The following ZNF8 variants were observed in gnomAD, a reference collection of about 807,000 sequenced individuals.
The protein encoded by ZNF8 is zinc finger protein 8.
In ZNF8, 9 loss-of-function variants were observed where a neutral mutation model predicts 12.2. The ratio of observed to expected loss-of-function variants is 0.73; its 90% CI spans 0.44 to 1.28. The LOEUF (loss-of-function observed/expected upper bound fraction) is 1.28, where lower values mean the gene tolerates loss of function less well. Among genes scored for constraint, ZNF8 ranks in the 50% most tolerant of loss-of-function variants. ZNF8 has a pLI of 0.00. For missense variants in ZNF8, 664 were observed against 729.1 expected (o/e 0.91, Z 1.03); for synonymous variants, 274 against 282.3 (o/e 0.97, Z 0.30).
At chr19:58,283,673 C>A (rs947440487) in intron 1 of ZNF8, among the ~76,000 whole-genome samples, 6 of 147,342 alleles carry the variant, frequency 4.1e-5, no homozygotes, top group Non-Finnish European at 7.4e-5. Flanking sequence ...AATCTTGACT[C>A]ACTGCAAGCT....
chr19:58,279,633 A>C, intron 1 of ZNF8: 1 of 1,534,302 alleles, frequency 6.5e-7, no homozygotes, highest in East Asian at 2.4e-5. Context: ...GCTTGGGCAC[A>C]ACCTCTTGGG....
Position 58,294,361 on chromosome 19 carries a change from A to C in ZNF8, c.553A>C (p.Ser185Arg), listed in dbSNP as rs1467836479. Residue 185 changes from serine (S) to arginine (R), a missense_variant, in exon 4 of 4, where the codon AGT (serine) becomes CGT (arginine). Coordinates refer to ENST00000621650, the MANE Select transcript of ZNF8 (RefSeq NM_021089.3). This position sits in a 1 kb window ranked among gnomAD's most constrained non-coding sequence, Gnocchi z 5.5. ...CAGACTCAGGGAAAACTGCGTCCTG[A>C]GTTCAAGCCCAAATCCATTCCCAGA... ...TLRLRENCVL[S>R]SSPNPFPEIS... 1 of 1,614,164 alleles carries C rather than the reference A, an allele frequency of 6.2e-7. No individual in the cohort carries two copies. The highest frequency in any genetic ancestry group is 2.2e-5 in the East Asian group (1 of 44,884).
chr19:58,279,565 C>G, intron 1 of ZNF8: 1 of 1,529,486 alleles, frequency 6.5e-7, no homozygotes, highest in East Asian at 2.4e-5. Context: ...GATGCTTTAA[C>G]GCGTGGAGTC....
Position 58,301,929 on chromosome 19 carries a change from G to T in ZNF8, c.*6393G>T, listed in dbSNP as rs890994053. 1 of 152,110 alleles carries T rather than the reference G, an allele frequency of 6.6e-6. No individual in the cohort carries two copies. The highest frequency in any genetic ancestry group is 6.5e-5 in the Admixed American group (1 of 15,282). The allele number at this position is 152,110 out of a possible 1,614,324, so 9.4% of individuals were successfully genotyped here. A position where few individuals can be genotyped will look rare whatever the true frequency, so the allele number is the denominator to read the frequency against. On this transcript the variant is annotated 3_prime_UTR_variant, in exon 4 of 4. Coordinates refer to ENST00000621650, the MANE Select transcript of ZNF8 (RefSeq NM_021089.3). ...GCTACATGGTTTTCATTATGCTATT[G>T]ATTTTAAAAGTAAAAATTTGGAAAG...
intron 1 of ZNF8, chr19:58,280,169 G>A (rs954708106): frequency 4.3e-5 from 13 of 304,290 alleles, no homozygotes; most frequent in African/African-American, 2.9e-4. Flanking sequence ...CAGGAGTAAT[G>A]GAATGTCCTA....
chr19:58,285,944 GGGAGT>G, intron 2 of ZNF8, 101 bp downstream of exon 2: 1 of 1,496,844 alleles, frequency 6.7e-7, no homozygotes, highest in Non-Finnish European at 9.1e-7. Flanking sequence ...ACTCCCTATG[GGGAGT>G]GCATGAAGAG....
rs528846984 is a variant in ZNF8 at position 58,290,271 on chromosome 19, C to T, written c.290-3827C>T. ...GACTACAGGTGCCCGCCACTGCACCCGGCTAATTTTTTTTTTGTATTTTTA... is the reference window on the plus strand; with the variant it reads ...GACTACAGGTGCCCGCCACTGCACCTGGCTAATTTTTTTTTTGTATTTTTA... On this transcript the variant is annotated intron_variant, in intron 3 of 3. Transcript: ENST00000621650. Among the ~76,000 whole-genome samples the T allele has an allele frequency of 6.0e-5, 9 of 148,876 alleles. No homozygotes were observed. In the East Asian group the frequency reaches 1.4e-3, roughly 23 times the overall value.
In ZNF8 at chr19:58,302,549, A is replaced by G. The variant is rs2051497149; in HGVS notation, c.*7013A>G. 1 of 152,228 alleles carries G rather than the reference A, an allele frequency of 6.6e-6. No individual in the cohort carries two copies. Among genetic ancestry groups the G allele is most frequent in the Non-Finnish European group, 1.5e-5 (1 of 68,040 alleles). 9.4% of individuals were successfully genotyped at this position (152,228 alleles called of 1,614,324 possible). A position where few individuals can be genotyped will look rare whatever the true frequency, so the allele number is the denominator to read the frequency against. ...TTACTCTATTTTGAGGATTTTCTCT[A>G]TGAATTTCATGTAGCTCTTTAAATT... On this transcript the variant is annotated 3_prime_UTR_variant, in exon 4 of 4. Coordinates refer to ENST00000621650, the MANE Select transcript of ZNF8 (RefSeq NM_021089.3).
intron 1 of ZNF8, among the ~76,000 whole-genome samples, chr19:58,283,511 C>T (rs1252814593): frequency 6.6e-6 from 1 of 151,876 alleles, no homozygotes; most frequent in African/African-American, 2.4e-5. Context: ...TGCCCTCCAC[C>T]ATCTTATGTC....
rs1252280219 is a variant in ZNF8 at position 58,298,843 on chromosome 19, TTTTTC to T, written c.*3312_*3316del. On this transcript the variant is annotated 3_prime_UTR_variant, in exon 4 of 4. Transcript: ENST00000621650. Reference sequence around the variant, plus strand: ...ATTTGGTTGGAATTTTTCTTTTTTCTTTTTCTTTTTTTTTTTTGTGATGGAGACTT... The same window carrying T: ...ATTTGGTTGGAATTTTTCTTTTTTCTTTTTTTTTTTTTGTGATGGAGACTT... The T allele has an allele frequency of 2.3e-5, 2 of 88,166 alleles. No individual in the cohort carries two copies. The highest frequency in any genetic ancestry group is 6.6e-5 in the African/African-American group (1 of 15,090). 5.5% of individuals were successfully genotyped at this position (88,166 alleles called of 1,614,324 possible). A position where few individuals can be genotyped will look rare whatever the true frequency, so the allele number is the denominator to read the frequency against.
At chr19:58,290,557 G>A (rs1306397159) in intron 3 of ZNF8, among the ~76,000 whole-genome samples, 2 of 151,868 alleles carry the variant, frequency 1.3e-5, no homozygotes, top group African/African-American at 2.4e-5. Flanking sequence ...TATTTTTAAG[G>A]AAAAGAAGCC....
At chr19:58,290,822 G>A (rs1000233911) in intron 3 of ZNF8, among the ~76,000 whole-genome samples, 2 of 152,118 alleles carry the variant, frequency 1.3e-5, no homozygotes, top group African/African-American at 4.8e-5. Flanking sequence ...AGGCCGAGGC[G>A]GGTGGTTCGC....
intron 1 of ZNF8, chr19:58,279,426 C>G: frequency 6.9e-7 from 1 of 1,450,348 alleles, no homozygotes; most frequent in Non-Finnish European, 9.1e-7. Flanking sequence ...TCGAGCAGGC[C>G]CATCTCCTGC....
At chr19:58,287,759 G>A (rs1331706202) in intron 3 of ZNF8, among the ~76,000 whole-genome samples, 3 of 145,336 alleles carry the variant, frequency 2.1e-5, no homozygotes, top group Non-Finnish European at 4.5e-5. Context: ...CCTAGTAGCT[G>A]TTACTACAGG....
At chr19:58,279,366 C>T in intron 1 of ZNF8, 1 of 1,460,802 alleles carries the variant, frequency 6.8e-7, no homozygotes. Context: ...TGCGCATGCT[C>T]CACGCGGCTC....
At chr19:58,279,754 T>A (rs1467846361) in intron 1 of ZNF8, 17 of 1,502,424 alleles carry the variant, frequency 1.1e-5, no homozygotes, top group Non-Finnish European at 1.4e-5. Flanking sequence ...TGCAGGGCCA[T>A]CTGGCCATCA....
Position 58,295,174 on chromosome 19 carries a change from C to G in ZNF8, c.1366C>G (p.Gln456Glu), listed in dbSNP as rs1002291571. ...CCTGGGCTGTGACCCACCTTTGAGT[C>G]AAGATGAGAGGACTCACCGAAGCGA... ...EALGCDPPLS[Q>E]DERTHRSDRP... Residue 456 changes from glutamine (Q) to glutamate (E), a missense_variant, in exon 4 of 4, where the codon CAA becomes GAA. Transcript: ENST00000621650. The G allele has an allele frequency of 1.2e-6, 2 of 1,614,042 alleles. No homozygotes were observed. Among genetic ancestry groups the G allele is most frequent in the Non-Finnish European group, 1.7e-6 (2 of 1,180,024 alleles).
intron 3 of ZNF8, among the ~76,000 whole-genome samples, chr19:58,287,196 C>T (rs1445492978): frequency 6.6e-6 from 1 of 152,098 alleles, no homozygotes; most frequent in Non-Finnish European, 1.5e-5. Flanking sequence ...TGCACCACCA[C>T]GCCCTGGTAA....
chr19:58,286,249 C>T, intron 3 of ZNF8, 44 bp downstream of exon 3: 1 of 1,565,594 alleles, frequency 6.4e-7, no homozygotes, highest in Non-Finnish European at 8.8e-7. Context: ...AGCAGCCTAG[C>T]AGGTCACTGG....
Sources: allele counts gnomAD v4.1 joint callset (sites outside exome capture counted in the v4.1 genomes callset), GRCh38; gene constraint gnomAD v4.1.1; non-coding constraint Gnocchi (gnomAD v3.1); transcripts MANE v1.5; gene names NCBI Gene and HGNC (gene_info 2026-07-23, HGNC 2026-07-21).